The following LRRC37A2 variants were observed in gnomAD, a reference collection of about 807,000 sequenced individuals.
The protein encoded by LRRC37A2 is leucine rich repeat containing 37 member A2.
In LRRC37A2, 9 loss-of-function variants were observed where a neutral mutation model predicts 68.8. The observed-to-expected ratio is 0.13, with a 90% confidence interval of 0.08 to 0.23. LRRC37A2 has a LOEUF of 0.23. LRRC37A2 is among the 10% of genes least tolerant of loss of function. The pLI is 1.00. For missense variants in LRRC37A2, 168 were observed against 950.4 expected (o/e 0.18, Z 10.82); for synonymous variants, 63 against 367.6 (o/e 0.17, Z 9.48).
At chr17:46,863,167 C>T in the LRRC37A2 span, among the ~76,000 whole-genome samples, 1 of 152,336 alleles carries the variant, frequency 6.6e-6, no homozygotes, top group African/African-American at 2.4e-5. Flanking sequence ...AAAGCCCGCC[C>T]AGCCCCAGCT....
the LRRC37A2 span, among the ~76,000 whole-genome samples, chr17:46,969,135 C>G: frequency 5.3e-5 from 8 of 152,206 alleles, no homozygotes; most frequent in Admixed American, 3.3e-4. Flanking sequence ...GCTCTGGCTC[C>G]CCTCCACTCT....
chr17:46,976,419 C>T, the LRRC37A2 span, among the ~76,000 whole-genome samples: 70 of 151,798 alleles, frequency 4.6e-4, no homozygotes, highest in African/African-American at 1.3e-3. Context: ...TGGTGGCGCG[C>T]GCCCATAATC....
intron 4 of LRRC37A2, among the ~76,000 whole-genome samples, chr17:46,521,486 C>T (rs1433465213): frequency 1.8e-5 from 1 of 56,692 alleles, no homozygotes; most frequent in Admixed American, 1.8e-4. Flanking sequence ...CAGTTTTAAA[C>T]ATGGTGGGCA....
the LRRC37A2 span, chr17:46,923,270 G>T: frequency 3.2e-6 from 5 of 1,550,510 alleles, no homozygotes; most frequent in Non-Finnish European, 4.4e-6. Context: ...GCGAGGCCAG[G>T]TGAGCCTGGC....
chr17:46,678,681 C>A, the LRRC37A2 span, among the ~76,000 whole-genome samples: 1 of 103,352 alleles, frequency 9.7e-6, no homozygotes. Flanking sequence ...GGAGAAATAC[C>A]AAAGAACTCT....
At chr17:46,959,216 AGACT>A in the LRRC37A2 span, among the ~76,000 whole-genome samples, 62 of 152,364 alleles carry the variant, frequency 4.1e-4, no homozygotes, top group South Asian at 1.0e-3. Flanking sequence ...ACAGATGGAC[AGACT>A]GACTGTGAGC....
chr17:46,928,009 C>T, the LRRC37A2 span, among the ~76,000 whole-genome samples: 25 of 152,266 alleles, frequency 1.6e-4, no homozygotes, highest in South Asian at 5.2e-3. Flanking sequence ...TGTACCTGTT[C>T]CCTTGGTTGC....
the LRRC37A2 span, among the ~76,000 whole-genome samples, chr17:46,779,803 G>A: frequency 1.3e-5 from 2 of 152,006 alleles, no homozygotes; most frequent in South Asian, 2.1e-4. Flanking sequence ...TCTGTTGCCC[G>A]GGCTGGAGTA....
the LRRC37A2 span, among the ~76,000 whole-genome samples, chr17:46,671,979 A>G: frequency 7.2e-5 from 10 of 139,336 alleles, 2 homozygotes; most frequent in African/African-American, 2.6e-4. Flanking sequence ...AAAATCCTTC[A>G]TATTCTTTGA....
the LRRC37A2 span, among the ~76,000 whole-genome samples, chr17:46,999,332 A>G: frequency 2.0e-5 from 3 of 152,028 alleles, no homozygotes; most frequent in African/African-American, 2.4e-5. Flanking sequence ...TGCCTGACCC[A>G]CCAGAAGGGC....
chr17:46,875,961 T>C, the LRRC37A2 span, among the ~76,000 whole-genome samples: 1 of 152,046 alleles, frequency 6.6e-6, no homozygotes, highest in Non-Finnish European at 1.5e-5. Flanking sequence ...TGTTCAATCA[T>C]TGAGTTGGTG....
At chr17:46,805,065 C>T in the LRRC37A2 span, among the ~76,000 whole-genome samples, 7 of 152,022 alleles carry the variant, frequency 4.6e-5, no homozygotes, top group African/African-American at 1.7e-4. Context: ...CGCAAAGGTA[C>T]GTGGCTTCAT....
At chr17:46,751,506 T>C in the LRRC37A2 span, 1 of 1,613,222 alleles carries the variant, frequency 6.2e-7, no homozygotes, top group Non-Finnish European at 8.5e-7. Context: ...TTTGTAGCTT[T>C]TGGGCAACTT....
chr17:46,610,041 C>CTTTCTTTCTT, the LRRC37A2 span, among the ~76,000 whole-genome samples: 4 of 118,656 alleles, frequency 3.4e-5, no homozygotes, highest in South Asian at 2.6e-4. Flanking sequence ...CTCTCTCTCT[C>CTTTCTTTCTT]TCTTTCTTTC....
the LRRC37A2 span, among the ~76,000 whole-genome samples, chr17:46,793,471 G>A: frequency 3.3e-5 from 5 of 151,840 alleles, no homozygotes; most frequent in East Asian, 1.9e-4. Flanking sequence ...TTTTTCTTTC[G>A]AATGTTGGTG....
the LRRC37A2 span, among the ~76,000 whole-genome samples, chr17:46,635,777 A>ATGTGTGTGTG: frequency 0.12 from 13,822 of 116,212 alleles, 467 homozygotes; most frequent in East Asian, 0.19. Flanking sequence ...GGGAAAATAA[A>ATGTGTGTGTG]TGTGTGTGTG....
chr17:47,016,817 GAAGA>G, the LRRC37A2 span, among the ~76,000 whole-genome samples: 1 of 71,032 alleles, frequency 1.4e-5, no homozygotes, highest in East Asian at 4.4e-4. Flanking sequence ...TCCCTGGAAG[GAAGA>G]GTGTTCTCGG....
the LRRC37A2 span, chr17:46,711,007 C>T: frequency 2.1e-5 from 34 of 1,596,904 alleles, no homozygotes; most frequent in African/African-American, 9.5e-5. Flanking sequence ...ACATTATGAA[C>T]GGTATCATCA....
the LRRC37A2 span, among the ~76,000 whole-genome samples, chr17:46,802,087 A>G: frequency 2.9e-4 from 44 of 152,288 alleles, no homozygotes; most frequent in African/African-American, 9.9e-4. Context: ...TATAAAATAT[A>G]TATTTGGTCT....
Sources: gnomAD v4.1 joint callset for allele counts (sites outside exome capture counted in the v4.1 genomes callset) on GRCh38, gnomAD v4.1.1 for gene constraint, MANE v1.5 for transcripts, NCBI Gene and HGNC (gene_info 2026-07-23, HGNC 2026-07-21) for gene names.